CELF4: variants seen among roughly 807,000 people sequenced by gnomAD.
The protein encoded by CELF4 is CUGBP Elav-like family member 4.
A neutral mutation model predicts 59.9 loss-of-function variants in CELF4; 18 were observed. The observed-to-expected ratio is 0.30, with a 90% CI of 0.21 to 0.45. The LOEUF is 0.45. Among genes scored for constraint, CELF4 ranks in the 20% least tolerant of loss-of-function variants. CELF4 has a pLI of 1.00. For synonymous variants in CELF4, 261 were observed against 267.1 expected (o/e 0.98, Z 0.22); for missense variants, 456 against 689.0 (o/e 0.66, Z 3.79).
chr18:37,386,238 G>A lies in CELF4; in HGVS notation c.370-64357C>T, dbSNP rs573766892. Among the ~76,000 whole-genome samples the A allele has an allele frequency of 3.9e-4, 60 of 152,322 alleles. 1 individual carries two copies. The highest frequency in any genetic ancestry group is 1.3e-3 in the African/African-American group (56 of 41,556). ...AAGAGGATGACAATTATTATGTGAT[G>A]TGTTGAAATAAACAGTGTTCTGGAA... On this transcript the variant is annotated intron_variant, in intron 2 of 12. Coordinates refer to ENST00000420428, the MANE Select transcript of CELF4 (RefSeq NM_020180.4).
At chr18:37,511,303 G>A (rs2099944052) in intron 1 of CELF4, among the ~76,000 whole-genome samples, 1 of 152,130 alleles carries the variant, frequency 6.6e-6, no homozygotes, top group South Asian at 2.1e-4. Flanking sequence ...TCATGAGCAT[G>A]TGAGCCTTGA....
intron 3 of CELF4, among the ~76,000 whole-genome samples, chr18:37,294,930 G>T (rs1730674660): frequency 6.6e-6 from 1 of 152,204 alleles, no homozygotes; most frequent in African/African-American, 2.4e-5. Flanking sequence ...AATGCAGAAG[G>T]TAAACTTCTC....
chr18:37,519,188 G>A (rs1203243255), intron 1 of CELF4, among the ~76,000 whole-genome samples: 1 of 152,094 alleles, frequency 6.6e-6, no homozygotes, highest in Non-Finnish European at 1.5e-5. Flanking sequence ...ACTCTGGTTT[G>A]CGTTCATCAG....
chr18:37,345,119 G>A (rs934075789), intron 2 of CELF4, among the ~76,000 whole-genome samples: 2 of 152,174 alleles, frequency 1.3e-5, no homozygotes, highest in Non-Finnish European at 2.9e-5. Flanking sequence ...GTCTCTGGAG[G>A]GGCTGGAGTC....
chr18:37,327,700 C>T (rs1216383208), intron 2 of CELF4, among the ~76,000 whole-genome samples: 1 of 152,186 alleles, frequency 6.6e-6, no homozygotes, highest in Non-Finnish European at 1.5e-5. Context: ...CTGCACTCAT[C>T]CTGCCTCACT....
In CELF4 at chr18:37,367,484, G is replaced by A. The variant is rs528546034; in HGVS notation, c.370-45603C>T. On this transcript the variant is annotated intron_variant, in intron 2 of 12. Coordinates refer to ENST00000420428, the MANE Select transcript of CELF4 (RefSeq NM_020180.4). ...GATGGGGAGGACAGAGGGAAAGGAT[G>A]CTCTGGGAAGGCCTTTCTTGTCCTG... Among the ~76,000 whole-genome samples, 185 of 152,084 alleles carry A rather than the reference G, an allele frequency of 1.2e-3. 1 individual carries two copies. Among genetic ancestry groups the A allele is most frequent in the African/African-American group, 4.2e-3 (173 of 41,502 alleles).
chr18:37,439,059 T>C (rs1461528701), intron 2 of CELF4, among the ~76,000 whole-genome samples: 6 of 152,176 alleles, frequency 3.9e-5, no homozygotes, highest in Admixed American at 1.3e-4. Context: ...TCAGTCCTGA[T>C]GCTGGAACTG....
chr18:37,335,650 T>C (rs912899888), intron 2 of CELF4, among the ~76,000 whole-genome samples: 93 of 151,950 alleles, frequency 6.1e-4, no homozygotes, highest in Admixed American at 6.1e-3. Flanking sequence ...CTGTCCTCCC[T>C]GGCCTGTGTC....
intron 2 of CELF4, among the ~76,000 whole-genome samples, chr18:37,444,596 T>G (rs983975378): frequency 6.9e-6 from 1 of 144,902 alleles, no homozygotes; most frequent in African/African-American, 2.6e-5. Flanking sequence ...ACATGCTCTC[T>G]CTCTCTCTCT....
At position 37,523,536 on chromosome 18, in the gene CELF4, C is replaced by T. The variant is rs547138386; in HGVS notation, c.287-37929G>A. ...AGACAGGCTTGCTGGGGGAGTATCACTGCTGGGAGAACAGGCGGCAAAACT... is the reference window on the plus strand; with the variant it reads ...AGACAGGCTTGCTGGGGGAGTATCATTGCTGGGAGAACAGGCGGCAAAACT... On this transcript the variant is annotated intron_variant, in intron 1 of 12. Coordinates refer to ENST00000420428, the MANE Select transcript of CELF4 (RefSeq NM_020180.4). Among the ~76,000 whole-genome samples, 3 of 152,296 alleles carry T rather than the reference C, an allele frequency of 2.0e-5. No individual in the cohort carries two copies. The South Asian group carries it at 6.2e-4, about 32-fold the overall frequency.
At chr18:37,506,100 T>C (rs1214622935) in intron 1 of CELF4, among the ~76,000 whole-genome samples, 1 of 151,362 alleles carries the variant, frequency 6.6e-6, no homozygotes, top group African/African-American at 2.4e-5. Context: ...CCTGTTCTTT[T>C]GGCATTCTCT....
intron 2 of CELF4, among the ~76,000 whole-genome samples, chr18:37,385,644 C>T (rs7229706): frequency 8.4e-4 from 128 of 152,312 alleles, no homozygotes; most frequent in African/African-American, 2.7e-3. Flanking sequence ...TTCTGCAAAC[C>T]CTGCCTTGGG....
chr18:37,396,238 C>T (rs1484691619), intron 2 of CELF4, among the ~76,000 whole-genome samples: 1 of 152,196 alleles, frequency 6.6e-6, no homozygotes, highest in Non-Finnish European at 1.5e-5. Flanking sequence ...GTACCTCTGC[C>T]TGCCTTGCCA....
chr18:37,394,694 A>C (rs936308031), intron 2 of CELF4, among the ~76,000 whole-genome samples: 7 of 152,054 alleles, frequency 4.6e-5, no homozygotes, highest in Non-Finnish European at 8.8e-5. Context: ...GGGGTGTCAC[A>C]CGGGTGAGAA....
chr18:37,515,484 C>A (rs979961432), intron 1 of CELF4, among the ~76,000 whole-genome samples: 1 of 152,192 alleles, frequency 6.6e-6, no homozygotes, highest in African/African-American at 2.4e-5. Flanking sequence ...TAGGAACTGG[C>A]ATTTCTTGGC....
chr18:37,297,652 G>A (rs1466498138), intron 3 of CELF4, among the ~76,000 whole-genome samples: 1 of 152,248 alleles, frequency 6.6e-6, no homozygotes, highest in Non-Finnish European at 1.5e-5. Context: ...AAGATATAGA[G>A]CATTTCCGTT....
chr18:37,290,103 G>A (rs2095231000), intron 3 of CELF4, among the ~76,000 whole-genome samples: 1 of 152,176 alleles, frequency 6.6e-6, no homozygotes, highest in East Asian at 1.9e-4. Context: ...GCAGCCTGGT[G>A]TCTGGGAGGT....
chr18:37,274,783 GC>G, intron 5 of CELF4, 21 bp downstream of exon 5: 1 of 1,559,842 alleles, frequency 6.4e-7, no homozygotes. Context: ...CCTCGCCCCC[GC>G]CCCAAGGGGC....
rs748269091 is a variant in CELF4 at position 37,259,260 on chromosome 18, G to A, written c.1254C>T (p.Pro418=). ...PMIPQQQREG[P]EGCNLFIYHL... ...GGTAGATGAACAGGTTACAGCCCTC[G>A]GGCCCTGCGGTGAGGGGAGGGGGTG... Residue 418 remains proline (P), a synonymous_variant, in exon 11 of 13, where the codon CCC becomes CCT. Coordinates refer to ENST00000420428, the MANE Select transcript of CELF4 (RefSeq NM_020180.4). 43 of 1,573,066 alleles carry A rather than the reference G, an allele frequency of 2.7e-5. No homozygotes were observed. The highest frequency in any genetic ancestry group is 4.1e-5 in the African/African-American group (3 of 72,806).
Sources: gnomAD v4.1 joint callset for allele counts (sites outside exome capture counted in the v4.1 genomes callset) on GRCh38, gnomAD v4.1.1 for gene constraint, MANE v1.5 for transcripts, NCBI Gene and HGNC (gene_info 2026-07-23, HGNC 2026-07-21) for gene names.